TNRC6A: variants seen among roughly 807,000 people sequenced by gnomAD.
TNRC6A encodes trinucleotide repeat-containing gene 6A protein.
Under a neutral mutation model 221.2 loss-of-function variants are expected in TNRC6A, and 44 were observed. The ratio of observed to expected loss-of-function variants is 0.20; its 90% CI spans 0.16 to 0.26. The LOEUF is 0.26. TNRC6A is among the 10% of genes least tolerant of loss of function. The pLI, the probability that TNRC6A is intolerant of heterozygous loss-of-function variation, is 1.00. For missense variants in TNRC6A, 2,199 were observed against 2,404.4 expected (o/e 0.91, Z 1.79); for synonymous variants, 847 against 838.5 (o/e 1.01, Z -0.18).
chr16:24,710,634 T>C lies in TNRC6A; in HGVS notation n.403-40092T>C, dbSNP rs757671743. On this transcript the variant is annotated intron_variant and non_coding_transcript_variant, in intron 2 of 2. Coordinates refer to the TNRC6A transcript ENST00000566108. ...ATGACATTCACTTTGATCACTCAATTAGGGTGGTATCTGTTTTTCCTTTTT... is the reference window on the plus strand; with the variant it reads ...ATGACATTCACTTTGATCACTCAATCAGGGTGGTATCTGTTTTTCCTTTTT... 2.0e-4 allele frequency among the ~76,000 whole-genome samples: 31 copies of C among 152,186 alleles called. 1 individual carries two copies. Among genetic ancestry groups the C allele is most frequent in the Non-Finnish European group, 1.2e-4 (8 of 68,044 alleles).
chr16:24,739,501 CAG>C (rs2056846561), intron 2 of TNRC6A, among the ~76,000 whole-genome samples: 1 of 106,180 alleles, frequency 9.4e-6, no homozygotes, highest in African/African-American at 3.6e-5. Context: ...TTTTTTGAGA[CAG>C]AGTCTTGCTC....
At chr16:24,630,658 C>G (rs987959141) in intron 1 of TNRC6A, among the ~76,000 whole-genome samples, 3 of 152,190 alleles carry the variant, frequency 2.0e-5, no homozygotes, top group Non-Finnish European at 1.5e-5. Flanking sequence ...CTCTCTTTAA[C>G]CCACTCGAAT....
chr16:24,657,340 A>AC (rs68093425), intron 2 of TNRC6A, among the ~76,000 whole-genome samples: 16,967 of 100,398 alleles, frequency 0.17, 1,343 homozygotes, highest in East Asian at 0.34. Flanking sequence ...AAAAAAAAAA[A>AC]AACAAACAAA....
chr16:24,664,357 T>C (rs1383529667), intron 2 of TNRC6A, among the ~76,000 whole-genome samples: 1 of 148,042 alleles, frequency 6.8e-6, no homozygotes. Flanking sequence ...AATAAATAAA[T>C]AACAATATTT....
At chr16:24,668,985 G>C (rs571161587) in intron 2 of TNRC6A, among the ~76,000 whole-genome samples, 8 of 148,562 alleles carry the variant, frequency 5.4e-5, no homozygotes, top group Non-Finnish European at 9.0e-5. Context: ...ATTTTTATGG[G>C]TTTTTTTTTT....
At chr16:24,794,518 T>G in intron 7 of TNRC6A, 26 bp from the exon 8 acceptor site, 1 of 1,593,694 alleles carries the variant, frequency 6.3e-7, no homozygotes. Context: ...AGTATGTTTC[T>G]CTTTATATCA....
chr16:24,742,161 T>C (rs1250141054), intron 2 of TNRC6A, among the ~76,000 whole-genome samples: 2 of 152,234 alleles, frequency 1.3e-5, no homozygotes, highest in Non-Finnish European at 2.9e-5. Context: ...TACATGCATC[T>C]GTTAAGTACT....
chr16:24,741,067 T>C (rs1055811075), intron 2 of TNRC6A, among the ~76,000 whole-genome samples: 1 of 152,256 alleles, frequency 6.6e-6, no homozygotes, highest in Non-Finnish European at 1.5e-5. Context: ...ATTAGGACTT[T>C]CTGTGTACAA....
Position 24,651,292 on chromosome 16 carries a change from A to G in TNRC6A, n.402+10283A>G, listed in dbSNP as rs143131524. On this transcript the variant is annotated intron_variant and non_coding_transcript_variant, in intron 2 of 2. Coordinates refer to the TNRC6A transcript ENST00000566108. ...CGTGCCTCACGCCTGTAATCCCAGC[A>G]CTTTGGGAGGCTGAGTCAGGCAGAT... Among the ~76,000 whole-genome samples the G allele has an allele frequency of 3.2e-3, 490 of 151,996 alleles. 3 individuals are homozygous for G. The highest frequency in any genetic ancestry group is 0.011 in the African/African-American group (454 of 41,486).
rs561082991 is a variant in TNRC6A, at chr16:24,722,548, G to A, written n.403-28178G>A. Among the ~76,000 whole-genome samples, 7 of 151,936 alleles carry A rather than the reference G, an allele frequency of 4.6e-5. No individual in the cohort carries two copies. In the South Asian group the frequency reaches 6.3e-4, roughly 14 times the overall value. ...CTCCCGGGTTCAAGTGATTCTCTAC[G>A]TCAGCCTCCCAAGTAGCTGGGATTA... On this transcript the variant is annotated intron_variant and non_coding_transcript_variant, in intron 2 of 2. Coordinates refer to the TNRC6A transcript ENST00000566108.
chr16:24,634,154 A>G (rs972620156), intron 1 of TNRC6A, among the ~76,000 whole-genome samples: 1 of 152,098 alleles, frequency 6.6e-6, no homozygotes, highest in Non-Finnish European at 1.5e-5. Context: ...AAATTTCAAA[A>G]TTGGGCTGGG....
At chr16:24,765,762 G>A (rs534778946) in intron 4 of TNRC6A, among the ~76,000 whole-genome samples, 1 of 152,216 alleles carries the variant, frequency 6.6e-6, no homozygotes, top group South Asian at 2.1e-4. Context: ...ATGGGAAATA[G>A]TTAATAAAAT....
intron 11 of TNRC6A, among the ~76,000 whole-genome samples, chr16:24,803,113 A>G (rs535326196): frequency 1.3e-5 from 2 of 152,258 alleles, no homozygotes; most frequent in East Asian, 3.9e-4. Context: ...CAAACATTAA[A>G]TTAGTACACA....
intron 2 of TNRC6A, among the ~76,000 whole-genome samples, chr16:24,740,842 T>C (rs557947636): frequency 1.2e-3 from 181 of 152,344 alleles, no homozygotes; most frequent in African/African-American, 4.2e-3. Context: ...TTCCACCTTC[T>C]GTCTGTATGC....
intron 2 of TNRC6A, among the ~76,000 whole-genome samples, chr16:24,686,426 G>C (rs914268182): frequency 6.6e-6 from 1 of 151,970 alleles, no homozygotes; most frequent in African/African-American, 2.4e-5. Context: ...CCTTTCCAAG[G>C]GTTTTGTTTC....
intron 2 of TNRC6A, among the ~76,000 whole-genome samples, chr16:24,690,022 A>T (rs2055722917): frequency 2.6e-5 from 2 of 76,142 alleles, no homozygotes; most frequent in Non-Finnish European, 6.0e-5. Context: ...AAAAAAAAAA[A>T]AAAAATTTTT....
intron 9 of TNRC6A, among the ~76,000 whole-genome samples, chr16:24,796,682 AGTTGTG>A (rs1409461164): frequency 5.9e-5 from 9 of 152,192 alleles, no homozygotes; most frequent in Non-Finnish European, 1.5e-5. Flanking sequence ...TTTGGGGGGA[AGTTGTG>A]AAGCTGTGTT....
chr16:24,752,894 AAT>A (rs1324321040), intron 3 of TNRC6A, among the ~76,000 whole-genome samples: 2 of 152,212 alleles, frequency 1.3e-5, no homozygotes, highest in Admixed American at 1.3e-4. Flanking sequence ...GGCCTAAGAC[AAT>A]ATATAAGCGT....
intron 3 of TNRC6A, among the ~76,000 whole-genome samples, chr16:24,756,236 A>G (rs906876577): frequency 3.3e-5 from 5 of 152,224 alleles, no homozygotes; most frequent in Non-Finnish European, 7.3e-5. Context: ...CAGACTAGCC[A>G]CATTTCAGTC....
Sources: gnomAD v4.1 joint callset for allele counts (sites outside exome capture counted in the v4.1 genomes callset) on GRCh38, gnomAD v4.1.1 for gene constraint, MANE v1.5 for transcripts, NCBI Gene and HGNC (gene_info 2026-07-23, HGNC 2026-07-21) for gene names.